KCNAB1: variants seen among roughly 807,000 people sequenced by gnomAD.
The protein encoded by KCNAB1 is potassium voltage-gated channel subfamily A regulatory beta subunit 1.
Under a neutral mutation model 64.6 loss-of-function variants are expected in KCNAB1, and 35 were observed. The ratio of observed to expected loss-of-function variants is 0.54; its 90% CI spans 0.41 to 0.72. The LOEUF (loss-of-function observed/expected upper bound fraction) is 0.72, where lower values mean the gene tolerates loss of function less well. Ranked by LOEUF, KCNAB1 falls within the 30% of genes least tolerant of loss-of-function variation. KCNAB1 has a pLI of 0.00. For missense variants in KCNAB1, 401 were observed against 512.9 expected (o/e 0.78, Z 2.11); for synonymous variants, 177 against 183.8 (o/e 0.96, Z 0.30).
At chr3:156,453,536 C>T (rs1346582055) in intron 3 of KCNAB1, among the ~76,000 whole-genome samples, 1 of 152,178 alleles carries the variant, frequency 6.6e-6, no homozygotes, top group Non-Finnish European at 1.5e-5. Context: ...AGCAGACACT[C>T]AATAAATGGC....
intron 1 of KCNAB1, among the ~76,000 whole-genome samples, chr3:156,412,046 C>G (rs767379174): frequency 2.6e-5 from 4 of 152,034 alleles, no homozygotes; most frequent in Non-Finnish European, 5.9e-5. Context: ...GGTCTTTTTT[C>G]ATTTCATTCT....
chr3:156,181,213 T>C (rs1712792157), intron 1 of KCNAB1, among the ~76,000 whole-genome samples: 1 of 152,152 alleles, frequency 6.6e-6, no homozygotes, highest in Admixed American at 6.5e-5. Context: ...CTTCAACATA[T>C]GGGTTTTGAG....
rs1716966812 is a variant in KCNAB1, at chr3:156,508,551, T to C, written c.659-5813T>C. ...AAATGCATATTTTTTAAAACATTGA[T>C]GGCCTACATTACTGAAACAACTGTC... On this transcript the variant is annotated intron_variant, in intron 8 of 13. Coordinates refer to ENST00000490337, the MANE Select transcript of KCNAB1 (RefSeq NM_172160.3). The surrounding 1 kb of genome is among the most constrained non-coding windows in gnomAD (Gnocchi z 4.1). Among the ~76,000 whole-genome samples the C allele has an allele frequency of 6.6e-6, 1 of 152,244 alleles. No individual in the cohort carries two copies. The highest frequency in any genetic ancestry group is 2.4e-5 in the African/African-American group (1 of 41,462).
chr3:156,343,967 C>A (rs1324495036), intron 1 of KCNAB1, among the ~76,000 whole-genome samples: 1 of 152,170 alleles, frequency 6.6e-6, no homozygotes, highest in African/African-American at 2.4e-5. Flanking sequence ...TATGTTGTTA[C>A]TTTCCTATTC....
intron 1 of KCNAB1, among the ~76,000 whole-genome samples, chr3:156,296,203 C>T (rs1720765828): frequency 6.6e-6 from 1 of 152,162 alleles, no homozygotes; most frequent in Admixed American, 6.5e-5. Context: ...GCAAATCATT[C>T]AGGACAGAAG....
chr3:156,409,933 T>C (rs1463170794), intron 1 of KCNAB1, among the ~76,000 whole-genome samples: 1 of 152,244 alleles, frequency 6.6e-6, no homozygotes, highest in East Asian at 1.9e-4. Flanking sequence ...GTATTCAATG[T>C]TATTCTTCTG....
intron 1 of KCNAB1, among the ~76,000 whole-genome samples, chr3:156,301,439 A>T (rs1721149205): frequency 6.6e-6 from 1 of 152,228 alleles, no homozygotes; most frequent in Non-Finnish European, 1.5e-5. Context: ...CATTTACTTT[A>T]AAAAACTGAA....
At chr3:156,440,107 A>G (rs1407611388) in intron 2 of KCNAB1, among the ~76,000 whole-genome samples, 3 of 152,244 alleles carry the variant, frequency 2.0e-5, no homozygotes, top group Non-Finnish European at 2.9e-5. Flanking sequence ...ACATTTCATA[A>G]GCACATCCTC....
chr3:156,165,296 A>G (rs1711512698), intron 1 of KCNAB1, among the ~76,000 whole-genome samples: 2 of 150,644 alleles, frequency 1.3e-5, no homozygotes, highest in African/African-American at 4.9e-5. Flanking sequence ...AAAAAAAAAA[A>G]AAAAAAAAAG....
intron 1 of KCNAB1, among the ~76,000 whole-genome samples, chr3:156,399,081 A>ATC (rs980652633): frequency 3.3e-5 from 5 of 152,062 alleles, no homozygotes; most frequent in African/African-American, 1.2e-4. Flanking sequence ...TTGGGGCAAC[A>ATC]TTTGGGCATT....
At chr3:156,304,461 C>T (rs917649243) in intron 1 of KCNAB1, among the ~76,000 whole-genome samples, 1 of 152,224 alleles carries the variant, frequency 6.6e-6, no homozygotes, top group African/African-American at 2.4e-5. Flanking sequence ...AATTATTGGA[C>T]TTTTGATATC....
chr3:156,471,300 T>G (rs1483559169), intron 7 of KCNAB1, among the ~76,000 whole-genome samples: 5 of 152,248 alleles, frequency 3.3e-5, no homozygotes, highest in African/African-American at 1.2e-4. Flanking sequence ...TAAGGTTACC[T>G]TCTAAACAGT....
chr3:156,175,436 C>T (rs546401039), intron 1 of KCNAB1, among the ~76,000 whole-genome samples: 6 of 152,138 alleles, frequency 3.9e-5, no homozygotes, highest in African/African-American at 7.2e-5. Flanking sequence ...CTGGCTAACA[C>T]AGTGAAACCC....
chr3:156,474,383 G>T (rs1252509941), intron 7 of KCNAB1, among the ~76,000 whole-genome samples: 2 of 152,118 alleles, frequency 1.3e-5, no homozygotes, highest in Admixed American at 6.5e-5. Context: ...AATTTGCATT[G>T]TTCAAGAAGA....
At chr3:156,469,133 G>A (rs1018493909) in intron 7 of KCNAB1, among the ~76,000 whole-genome samples, 2 of 151,764 alleles carry the variant, frequency 1.3e-5, no homozygotes, top group East Asian at 1.9e-4. Flanking sequence ...ATATAAAATC[G>A]AAGAGAAAAA....
chr3:156,462,688 G>A (rs1007308925), intron 5 of KCNAB1, among the ~76,000 whole-genome samples: 1 of 152,180 alleles, frequency 6.6e-6, no homozygotes, highest in African/African-American at 2.4e-5. Context: ...TTTTATACCT[G>A]AGAGCCCTGA....
chr3:156,306,381 T>C (rs1450387466), intron 1 of KCNAB1, among the ~76,000 whole-genome samples: 1 of 152,164 alleles, frequency 6.6e-6, no homozygotes, highest in Non-Finnish European at 1.5e-5. Flanking sequence ...CTACAACCTT[T>C]TCTTCGAGGT....
At chr3:156,194,372 A>G (rs1157903099) in intron 1 of KCNAB1, among the ~76,000 whole-genome samples, 2 of 152,156 alleles carry the variant, frequency 1.3e-5, no homozygotes, top group African/African-American at 4.8e-5. Context: ...TTACAGATTG[A>G]AAAGTTTTTC....
chr3:156,328,513 C>G (rs980228955), intron 1 of KCNAB1, among the ~76,000 whole-genome samples: 11 of 152,092 alleles, frequency 7.2e-5, no homozygotes, highest in African/African-American at 2.7e-4. Context: ...TTTGGTGCTC[C>G]TTTATTATTT....
Sources: gnomAD v4.1 joint callset for allele counts (sites outside exome capture counted in the v4.1 genomes callset) on GRCh38, gnomAD v4.1.1 for gene constraint, Gnocchi (gnomAD v3.1) non-coding constraint, MANE v1.5 for transcripts, NCBI Gene and HGNC (gene_info 2026-07-23, HGNC 2026-07-21) for gene names.